The following PSME4 variants were observed in gnomAD, a reference collection of about 807,000 sequenced individuals.
PSME4 encodes proteasome activator complex subunit 4.
Under a neutral mutation model 253.9 loss-of-function variants are expected in PSME4, and 89 were observed. That is an observed-to-expected ratio of 0.35 (90% CI 0.30 to 0.42). The LOEUF (loss-of-function observed/expected upper bound fraction) is 0.42, where lower values mean the gene tolerates loss of function less well. PSME4 is among the 10% of genes least tolerant of loss of function. The pLI is 1.00. For synonymous variants in PSME4, 851 were observed against 759.2 expected (o/e 1.12, Z -1.99); for missense variants, 2,014 against 2,195.2 (o/e 0.92, Z 1.65).
chr2:53,936,537 C>G (rs769942420), intron 6 of PSME4, among the ~76,000 whole-genome samples: 16 of 151,980 alleles, frequency 1.1e-4, no homozygotes, highest in Non-Finnish European at 1.9e-4. Flanking sequence ...TGCTTATACT[C>G]CTAAATATTG....
intron 8 of PSME4, chr2:53,933,176 G>A (rs1356290881): frequency 1.8e-5 from 3 of 162,334 alleles, no homozygotes; most frequent in Admixed American, 6.0e-5. Context: ...TCAGGAGTTC[G>A]AGACCAGCCT....
At chr2:53,895,184 G>T in intron 33 of PSME4, 108 bp from the exon 34 acceptor site, 2 of 919,494 alleles carry the variant, frequency 2.2e-6, no homozygotes, top group Non-Finnish European at 1.6e-6. Context: ...TAGATGCTAA[G>T]TTTGGGGAGA....
chr2:53,955,411 G>T (rs188972358), intron 1 of PSME4, among the ~76,000 whole-genome samples: 3 of 152,066 alleles, frequency 2.0e-5, no homozygotes, highest in East Asian at 1.9e-4. Flanking sequence ...TATCATTAGC[G>T]TTAGTATATT....
chr2:53,923,437 T>C lies in PSME4; in HGVS notation c.1810-18A>G. The C allele has an allele frequency of 6.4e-7, 1 of 1,565,646 alleles. No homozygotes were observed. The highest frequency in any genetic ancestry group is 8.6e-7 in the Non-Finnish European group (1 of 1,162,314). On this transcript the variant is annotated intron_variant, in intron 14 of 46. Transcript: ENST00000404125. ...AGGGCCACCTGTTAAGATATGAAAATGTTTAATGAGCATTTTTTAAGAAAA... is the reference window on the plus strand; with the variant it reads ...AGGGCCACCTGTTAAGATATGAAAACGTTTAATGAGCATTTTTTAAGAAAA...
At chr2:53,948,626 T>C (rs2302880) in intron 2 of PSME4, 89 bp from the exon 3 acceptor site, 46,517 of 827,744 alleles carry the variant, frequency 0.056, 2,887 homozygotes, top group East Asian at 0.26. Flanking sequence ...CAGTTAAACA[T>C]TGCTGCTCAT....
At chr2:53,875,293 G>C (rs551966965) in intron 42 of PSME4, among the ~76,000 whole-genome samples, 3 of 152,140 alleles carry the variant, frequency 2.0e-5, no homozygotes, top group African/African-American at 7.2e-5. Flanking sequence ...GAAAAGACCA[G>C]GTAACAGAAG....
chr2:53,875,849 C>A (rs535251064), intron 41 of PSME4, 94 bp from the exon 42 acceptor site: 33 of 1,223,732 alleles, frequency 2.7e-5, no homozygotes, highest in Non-Finnish European at 3.5e-5. Flanking sequence ...TTTAATTTAA[C>A]AATTTTTATG....
intron 40 of PSME4, among the ~76,000 whole-genome samples, chr2:53,886,725 G>C (rs1047203644): frequency 2.6e-5 from 4 of 152,076 alleles, no homozygotes; most frequent in Admixed American, 2.6e-4. Context: ...ACTGAAAGCA[G>C]GAACTCAAAC....
At chr2:53,900,089 G>A in intron 28 of PSME4, 72 bp from the exon 29 acceptor site, 1 of 1,357,366 alleles carries the variant, frequency 7.4e-7, no homozygotes, top group Non-Finnish European at 1.0e-6. Context: ...CCTTGAAAAT[G>A]TCATGCTAAG....
chr2:53,929,590 T>A (rs1218206138), intron 10 of PSME4, among the ~76,000 whole-genome samples: 1 of 151,852 alleles, frequency 6.6e-6, no homozygotes, highest in Admixed American at 6.6e-5. Context: ...CCAGCCTAGC[T>A]GCTTATTTTT....
At chr2:53,969,835 C>G (rs1307899898) in intron 1 of PSME4, among the ~76,000 whole-genome samples, 1 of 152,128 alleles carries the variant, frequency 6.6e-6, no homozygotes, top group African/African-American at 2.4e-5. Context: ...CCTGGACATC[C>G]TGACAGTGCT....
chr2:53,939,890 C>G, intron 4 of PSME4, 66 bp downstream of exon 4: 1 of 1,354,768 alleles, frequency 7.4e-7, no homozygotes, highest in Non-Finnish European at 1.0e-6. Flanking sequence ...CTTTTCAAAC[C>G]ATACTAAAGA....
intron 20 of PSME4, among the ~76,000 whole-genome samples, chr2:53,916,477 CTAAGT>C (rs1668069776): frequency 6.6e-6 from 1 of 152,100 alleles, no homozygotes; most frequent in African/African-American, 2.4e-5. Context: ...AACTAATGTG[CTAAGT>C]TAATTCTCTT....
intron 3 of PSME4, among the ~76,000 whole-genome samples, chr2:53,946,481 C>G (rs1669707735): frequency 6.6e-6 from 1 of 152,230 alleles, no homozygotes; most frequent in Non-Finnish European, 1.5e-5. Context: ...AAGAAATTCC[C>G]TGACCTCTTA....
intron 40 of PSME4, among the ~76,000 whole-genome samples, chr2:53,886,429 A>T (rs1679641159): frequency 6.6e-6 from 1 of 152,238 alleles, no homozygotes; most frequent in African/African-American, 2.4e-5. Flanking sequence ...TCTCCAAACA[A>T]GAAATACGAA....
intron 20 of PSME4, among the ~76,000 whole-genome samples, chr2:53,912,690 C>A (rs1293713626): frequency 1.3e-5 from 2 of 152,072 alleles, no homozygotes; most frequent in East Asian, 3.9e-4. Flanking sequence ...GGTCTCAAAT[C>A]CCTGGCCCCA....
rs776472197 is a variant in PSME4, at chr2:53,923,033, T to C, written c.1978+16A>G. ...ATCCAAAATTGTAAAGAGAGAATAA[T>C]GACCTTATGACTTACTCATTGTAAG... On this transcript the variant is annotated intron_variant, in intron 16 of 46. Transcript: ENST00000404125. 52 of 1,488,956 alleles carry C rather than the reference T, an allele frequency of 3.5e-5. No homozygotes were observed. The highest frequency in any genetic ancestry group is 3.5e-4 in the Middle Eastern group (2 of 5,674). The allele number at this position is 1,488,956 out of a possible 1,614,324, so 92.2% of individuals were successfully genotyped here.
At chr2:53,923,164 T>C in intron 15 of PSME4, 46 bp from the exon 16 acceptor site, 8 of 1,520,032 alleles carry the variant, frequency 5.3e-6, no homozygotes, top group African/African-American at 4.2e-5. Flanking sequence ...AAGGCAAATA[T>C]ATACAAGATT....
chr2:53,970,272 G>C (rs1008117840), intron 1 of PSME4, among the ~76,000 whole-genome samples: 2 of 152,174 alleles, frequency 1.3e-5, no homozygotes, highest in Non-Finnish European at 1.5e-5. Flanking sequence ...GGGCCCCCCA[G>C]GTGGGAAGAC....
Sources: allele counts gnomAD v4.1 joint callset (sites outside exome capture counted in the v4.1 genomes callset), GRCh38; gene constraint gnomAD v4.1.1; transcripts MANE v1.5; gene names NCBI Gene and HGNC (gene_info 2026-07-23, HGNC 2026-07-21).